DGKB: variants seen among roughly 807,000 people sequenced by gnomAD.
The protein encoded by DGKB is 90 kDa diacylglycerol kinase.
In DGKB, 67 loss-of-function variants were observed where a neutral mutation model predicts 114.3. The observed-to-expected ratio is 0.59, with a 90% CI of 0.48 to 0.72. DGKB has a LOEUF of 0.72. DGKB is among the 30% of genes least tolerant of loss of function. The pLI is 0.00. For synonymous variants in DGKB, 398 were observed against 323.1 expected (o/e 1.23, Z -2.49); for missense variants, 907 against 975.2 (o/e 0.93, Z 0.93).
rs147316071 is a variant in DGKB, at chr7:14,746,634, G to T, written c.168+7294C>A. Among the ~76,000 whole-genome samples the T allele has an allele frequency of 4.3e-3, 652 of 152,102 alleles. 2 individuals are homozygous for T. Among genetic ancestry groups the T allele is most frequent in the Middle Eastern group, 0.02 (6 of 294 alleles). ...CTGCCTCAGCCTCCCGAATAGTTGG[G>T]ATCATAGGTGCTCACAACCACGCCC... On this transcript the variant is annotated intron_variant, in intron 4 of 25. Coordinates refer to ENST00000402815, the MANE Select transcript of DGKB (RefSeq NM_001350709.2).
At chr7:14,719,211 T>G (rs1359857588) in intron 5 of DGKB, among the ~76,000 whole-genome samples, 2 of 152,208 alleles carry the variant, frequency 1.3e-5, no homozygotes, top group Non-Finnish European at 2.9e-5. Context: ...TCAAGGGACT[T>G]GCCCAGGAGT....
chr7:14,903,239 G>GTGTGTT, upstream of DGKB: 1 of 154,408 alleles, frequency 6.5e-6, no homozygotes. Context: ...GTGTGTGTGT[G>GTGTGTT]TGTGTGTGTG....
At position 14,212,310 on chromosome 7, in the gene DGKB, CAT is replaced by C. The variant is rs1788151664; in HGVS notation, c.2123-34161_2123-34160del. Among the ~76,000 whole-genome samples, 5 of 21,240 alleles carry C rather than the reference CAT, an allele frequency of 2.4e-4. 1 individual carries two copies. Among genetic ancestry groups the C allele is most frequent in the Admixed American group, 1.4e-3 (2 of 1,410 alleles). The allele number at this position is 21,240 out of a possible 152,430, so 13.9% of individuals were successfully genotyped here. ...CTCTCATGTTTTGTGATTTTACTCT[CAT>C]GTTTTGTGATTTTACTCTCATGTTT... On this transcript the variant is annotated intron_variant, in intron 23 of 25. Transcript: ENST00000402815.
At chr7:14,949,828 C>A (rs1587441708) in intron 1 of DGKB, among the ~76,000 whole-genome samples, 1 of 151,920 alleles carries the variant, frequency 6.6e-6, no homozygotes, top group East Asian at 1.9e-4. Context: ...TGGAAACCAT[C>A]ATTCTCAGCA....
At chr7:14,546,237 A>AT (rs888750261) in intron 20 of DGKB, among the ~76,000 whole-genome samples, 19 of 150,540 alleles carry the variant, frequency 1.3e-4, no homozygotes, top group East Asian at 9.7e-4. Flanking sequence ...TTCTTTTTTA[A>AT]TTTTTTTTTT....
Position 14,718,688 on chromosome 7 carries a change from G to A in DGKB, c.323-3C>T, listed in dbSNP as rs1828637669. On this transcript the variant is annotated splice_polypyrimidine_tract_variant and splice_region_variant and intron_variant, in intron 5 of 25. Coordinates refer to ENST00000402815, the MANE Select transcript of DGKB (RefSeq NM_001350709.2). ...GGCACCTTTATTCATTCTCAGACCT[G>A]GAAAAAAAATTGTCTTTATATTTTG... 2 of 1,585,984 alleles carry A rather than the reference G, an allele frequency of 1.3e-6. No individual in the cohort carries two copies. The highest frequency in any genetic ancestry group is 1.2e-5 in the South Asian group (1 of 86,114).
At chr7:14,917,169 T>C (rs1228686383) in intron 1 of DGKB, among the ~76,000 whole-genome samples, 2 of 151,978 alleles carry the variant, frequency 1.3e-5, no homozygotes, top group African/African-American at 2.4e-5. Context: ...CTGATTGATA[T>C]ATTATAAAAG....
chr7:14,210,038 T>C (rs933588491), intron 23 of DGKB, among the ~76,000 whole-genome samples: 2 of 152,076 alleles, frequency 1.3e-5, no homozygotes, highest in African/African-American at 2.4e-5. Context: ...CTAAATGTTA[T>C]ACATACAAAG....
At chr7:14,554,332 A>G (rs1795565142) in intron 20 of DGKB, among the ~76,000 whole-genome samples, 1 of 152,198 alleles carries the variant, frequency 6.6e-6, no homozygotes, top group Non-Finnish European at 1.5e-5. Flanking sequence ...CCTTCACAAA[A>G]GTAGGATATG....
At chr7:14,714,964 T>A (rs1295687381) in intron 6 of DGKB, among the ~76,000 whole-genome samples, 1 of 152,132 alleles carries the variant, frequency 6.6e-6, no homozygotes, top group Non-Finnish European at 1.5e-5. Flanking sequence ...TGGGAAGTAA[T>A]AAGTGTGAAG....
At chr7:14,464,204 T>G (rs992841400) in intron 21 of DGKB, among the ~76,000 whole-genome samples, 5 of 152,244 alleles carry the variant, frequency 3.3e-5, no homozygotes, top group African/African-American at 1.2e-4. Context: ...CAGGTTGAAA[T>G]GTAAAACAGC....
intron 1 of DGKB, among the ~76,000 whole-genome samples, chr7:14,972,186 A>C (rs1294767751): frequency 6.6e-6 from 1 of 152,176 alleles, no homozygotes; most frequent in African/African-American, 2.4e-5. Context: ...TTCACCATGT[A>C]TTGCAAATAA....
chr7:14,347,341 G>C (rs1310842048), intron 21 of DGKB, among the ~76,000 whole-genome samples: 1 of 152,012 alleles, frequency 6.6e-6, no homozygotes, highest in Admixed American at 6.6e-5. Context: ...TACTGTTAGT[G>C]AGAAAATAAA....
chr7:14,482,877 T>C (rs1783190190), intron 20 of DGKB, among the ~76,000 whole-genome samples: 1 of 150,552 alleles, frequency 6.6e-6, no homozygotes, highest in Non-Finnish European at 1.5e-5. Context: ...AGGCAGACTG[T>C]ATCAGATATT....
chr7:14,771,785 T>G (rs1837448214), intron 2 of DGKB, among the ~76,000 whole-genome samples: 1 of 152,108 alleles, frequency 6.6e-6, no homozygotes. Flanking sequence ...GAGAATCCCC[T>G]TCCCCCTTTG....
intron 21 of DGKB, among the ~76,000 whole-genome samples, chr7:14,462,087 G>A (rs571115944): frequency 2.0e-5 from 3 of 152,200 alleles, no homozygotes; most frequent in African/African-American, 7.2e-5. Context: ...AATAAACTGG[G>A]TATTGATGGA....
At position 14,593,851 on chromosome 7, in the gene DGKB, G is replaced by A. The variant is rs1024976449; in HGVS notation, c.1434-10714C>T. ...AAGAAAAAAACAACACAGGAGATTT[G>A]CAGCATCCAATCAGAAGGGGCCCAG... On this transcript the variant is annotated intron_variant, in intron 17 of 25. Transcript: ENST00000402815. 4.0e-5 allele frequency among the ~76,000 whole-genome samples: 6 copies of A among 150,858 alleles called. No individual in the cohort carries two copies. In the East Asian group the frequency reaches 1.2e-3, roughly 29 times the overall value.
chr7:14,273,354 T>C (rs1712106449), intron 23 of DGKB, among the ~76,000 whole-genome samples: 1 of 151,292 alleles, frequency 6.6e-6, no homozygotes, highest in Non-Finnish European at 1.5e-5. Flanking sequence ...TTATAAAAAA[T>C]AAAAAATACA....
chr7:14,422,574 T>C (rs1826883678), intron 21 of DGKB, among the ~76,000 whole-genome samples: 1 of 152,010 alleles, frequency 6.6e-6, no homozygotes. Flanking sequence ...CCCAAAACTG[T>C]CTTGAGAAGA....
Sources: gnomAD v4.1 joint callset for allele counts (sites outside exome capture counted in the v4.1 genomes callset) on GRCh38, gnomAD v4.1.1 for gene constraint, MANE v1.5 for transcripts, NCBI Gene and HGNC (gene_info 2026-07-23, HGNC 2026-07-21) for gene names.